The following CLDN10 variants were observed in gnomAD, a reference collection of about 807,000 sequenced individuals.
CLDN10 encodes the protein claudin 10.
Under a neutral mutation model 22.9 loss-of-function variants are expected in CLDN10, and 15 were observed. That is an observed-to-expected ratio of 0.65 (90% CI 0.44 to 1.01). The LOEUF is 1.01. CLDN10 is among the 50% of genes least tolerant of loss of function. The pLI is 0.00. For synonymous variants in CLDN10, 114 were observed against 111.4 expected (o/e 1.02, Z -0.15); for missense variants, 247 against 287.8 (o/e 0.86, Z 1.03).
At chr13:95,517,266 C>T (rs1040401091) in intron 1 of CLDN10, among the ~76,000 whole-genome samples, 10 of 152,174 alleles carry the variant, frequency 6.6e-5, no homozygotes, top group African/African-American at 2.2e-4. Flanking sequence ...TGAGCCCTTG[C>T]TTAGGAGCTG....
intron 1 of CLDN10, among the ~76,000 whole-genome samples, chr13:95,514,805 T>A (rs1025845456): frequency 3.9e-5 from 6 of 152,094 alleles, no homozygotes; most frequent in Non-Finnish European, 7.3e-5. Context: ...GCTTTATAAG[T>A]TAAGAGGCTC....
At chr13:95,565,624 C>T (rs922469307) in intron 3 of CLDN10, among the ~76,000 whole-genome samples, 2 of 152,018 alleles carry the variant, frequency 1.3e-5, no homozygotes, top group African/African-American at 4.8e-5. Context: ...CAACTACCTA[C>T]TTTCTTTTTT....
intron 1 of CLDN10, 125 bp downstream of exon 1, chr13:95,553,098 C>A: frequency 7.5e-7 from 1 of 1,334,466 alleles, no homozygotes; most frequent in East Asian, 2.5e-5. Context: ...CCCGACCCGT[C>A]TCTCCCAACA....
chr13:95,557,966 AACTTGC>A (rs2138653713), intron 1 of CLDN10, among the ~76,000 whole-genome samples: 1 of 152,318 alleles, frequency 6.6e-6, no homozygotes, highest in Admixed American at 6.5e-5. Context: ...AATTCCCGAC[AACTTGC>A]ACTTTCTGTT....
At chr13:95,471,453 A>ATATATATATATATATAT (rs776857009) in intron 1 of CLDN10, among the ~76,000 whole-genome samples, 8 of 106,390 alleles carry the variant, frequency 7.5e-5, no homozygotes, top group East Asian at 2.9e-4. Flanking sequence ...ATATATATAT[A>ATATATATATATATATAT]TTTTTTTTTT....
intron 1 of CLDN10, among the ~76,000 whole-genome samples, chr13:95,439,437 G>A (rs1461005330): frequency 4.6e-5 from 7 of 151,602 alleles, no homozygotes; most frequent in Non-Finnish European, 7.4e-5. Context: ...CAGGTTAAGC[G>A]ATTCTCCTGC....
chr13:95,490,833 C>T (rs890922960), intron 1 of CLDN10, among the ~76,000 whole-genome samples: 1 of 152,122 alleles, frequency 6.6e-6, no homozygotes, highest in Non-Finnish European at 1.5e-5. Context: ...TCTTGATGAC[C>T]TGTCTAGTGC....
At chr13:95,521,175 T>C (rs913342107) in intron 1 of CLDN10, among the ~76,000 whole-genome samples, 1 of 152,232 alleles carries the variant, frequency 6.6e-6, no homozygotes, top group Non-Finnish European at 1.5e-5. Flanking sequence ...ATACCATTTG[T>C]TTCTTTTTCT....
At chr13:95,456,647 C>G (rs1209437960) in intron 1 of CLDN10, among the ~76,000 whole-genome samples, 1 of 152,018 alleles carries the variant, frequency 6.6e-6, no homozygotes, top group African/African-American at 2.4e-5. Context: ...GTCTCAGTTA[C>G]TTAAGAGGTT....
chr13:95,462,759 G>GA (rs1444687512), intron 1 of CLDN10, among the ~76,000 whole-genome samples: 2 of 150,114 alleles, frequency 1.3e-5, no homozygotes, highest in African/African-American at 2.4e-5. Context: ...GTTTTAGGTA[G>GA]AAAAAAGGAA....
At chr13:95,518,422 C>A (rs908861735) in intron 1 of CLDN10, among the ~76,000 whole-genome samples, 2 of 152,114 alleles carry the variant, frequency 1.3e-5, no homozygotes, top group Admixed American at 1.3e-4. Flanking sequence ...CCTGGATTTA[C>A]CAACTGCAGT....
intron 1 of CLDN10, among the ~76,000 whole-genome samples, chr13:95,486,516 C>G (rs2138506613): frequency 9.2e-6 from 1 of 108,934 alleles, no homozygotes; most frequent in South Asian, 3.4e-4. Context: ...CAGTGAGACC[C>G]CATCTCAAAA....
intron 1 of CLDN10, among the ~76,000 whole-genome samples, chr13:95,481,307 C>G (rs1387966201): frequency 2.0e-5 from 3 of 152,172 alleles, no homozygotes; most frequent in Non-Finnish European, 4.4e-5. Context: ...AGGGGAAGGG[C>G]AGCAGAGGAT....
intron 1 of CLDN10, among the ~76,000 whole-genome samples, chr13:95,487,291 A>C (rs1013250853): frequency 3.9e-5 from 6 of 152,236 alleles, no homozygotes; most frequent in Non-Finnish European, 5.9e-5. Context: ...GTTACCTATG[A>C]AGAGAACTTT....
chr13:95,472,171 A>C (rs2042639954), intron 1 of CLDN10, among the ~76,000 whole-genome samples: 2 of 151,938 alleles, frequency 1.3e-5, no homozygotes, highest in Admixed American at 1.3e-4. Context: ...AAAAACCACT[A>C]TTTGCTGAGC....
chr13:95,451,826 A>G lies in CLDN10; in HGVS notation c.214+17779A>G, dbSNP rs141932838. Among the ~76,000 whole-genome samples the G allele has an allele frequency of 5.7e-3, 870 of 152,326 alleles. 4 individuals carry two copies. Among genetic ancestry groups the G allele is most frequent in the Middle Eastern group, 0.01 (3 of 294 alleles). Reference sequence around the variant, plus strand: ...TGAGTGAGAGCAAGGAGCAGACCACAGGGCATGGAGACTTTCCAGGTTCAC... The same window carrying G: ...TGAGTGAGAGCAAGGAGCAGACCACGGGGCATGGAGACTTTCCAGGTTCAC... On this transcript the variant is annotated intron_variant, in intron 1 of 4. Transcript: ENST00000376873.
upstream of CLDN10, among the ~76,000 whole-genome samples, chr13:95,548,735 C>CT (rs1420857398): frequency 6.6e-6 from 1 of 152,170 alleles, no homozygotes; most frequent in African/African-American, 2.4e-5. Flanking sequence ...TACTTGGCTC[C>CT]TGGGCAGTTG....
intron 1 of CLDN10, among the ~76,000 whole-genome samples, chr13:95,513,303 G>A (rs939566610): frequency 6.6e-6 from 1 of 152,210 alleles, no homozygotes; most frequent in Non-Finnish European, 1.5e-5. Context: ...GGCAGGCACT[G>A]TGCTGGGCAG....
At chr13:95,536,852 C>T (rs531562503) in intron 1 of CLDN10, among the ~76,000 whole-genome samples, 7 of 152,234 alleles carry the variant, frequency 4.6e-5, no homozygotes, top group Non-Finnish European at 7.4e-5. Flanking sequence ...CAAAAGAGGG[C>T]GCAAATTTCT....
Sources: allele counts gnomAD v4.1 joint callset (sites outside exome capture counted in the v4.1 genomes callset), GRCh38; gene constraint gnomAD v4.1.1; transcripts MANE v1.5; gene names NCBI Gene and HGNC (gene_info 2026-07-23, HGNC 2026-07-21).